Variants in LIN54 observed in about 807,000 individuals in gnomAD.
LIN54 encodes protein lin-54 homolog.
A neutral mutation model predicts 78.7 loss-of-function variants in LIN54; 9 were observed. That is an observed-to-expected ratio of 0.11 (90% CI 0.07 to 0.20). The LOEUF (loss-of-function observed/expected upper bound fraction) is 0.20, where lower values mean the gene tolerates loss of function less well. Among genes scored for constraint, LIN54 ranks in the 10% least tolerant of loss-of-function variants. The pLI, the probability that LIN54 is intolerant of heterozygous loss-of-function variation, is 1.00. For missense variants in LIN54, 573 were observed against 889.9 expected, an observed-to-expected ratio of 0.64 and a Z score of 4.53; for synonymous variants, 269 against 318.4, an observed-to-expected ratio of 0.84 and a Z score of 1.65.
chr4:82,995,713 T>A (rs1462385408), intron 1 of LIN54, among the ~76,000 whole-genome samples: 1 of 151,588 alleles, frequency 6.6e-6, no homozygotes, highest in Non-Finnish European at 1.5e-5. Flanking sequence ...GCCAGGCTGG[T>A]CTACATGTCC....
chr4:82,977,735 T>G (rs1363299880), intron 3 of LIN54, among the ~76,000 whole-genome samples: 1 of 152,220 alleles, frequency 6.6e-6, no homozygotes, highest in African/African-American at 2.4e-5. Flanking sequence ...GGATGGGTAA[T>G]TAGGATTTGA....
chr4:82,938,586 A>T (rs369203740), intron 7 of LIN54, 82 bp from the exon 8 acceptor site: 1 of 745,842 alleles, frequency 1.3e-6, no homozygotes. Flanking sequence ...TAAGAAATAC[A>T]AATTCATCCA....
intron 1 of LIN54, among the ~76,000 whole-genome samples, chr4:83,006,963 A>G (rs1314094470): frequency 1.3e-5 from 2 of 152,116 alleles, no homozygotes; most frequent in African/African-American, 2.4e-5. Context: ...AACATGGTCA[A>G]ACCCCGTCTC....
chr4:82,990,032 G>C (rs1263409681), intron 1 of LIN54, among the ~76,000 whole-genome samples: 1 of 152,168 alleles, frequency 6.6e-6, no homozygotes, highest in East Asian at 1.9e-4. Context: ...GTAGAACAGT[G>C]GAGGACTTTC....
Position 82,947,235 on chromosome 4 carries a change from A to ATATATATTT in LIN54, c.952-762_952-761insAAATATATA. 1.0e-3 allele frequency among the ~76,000 whole-genome samples: 46 copies of ATATATATTT among 44,274 alleles called. 1 individual carries two copies. Among genetic ancestry groups the ATATATATTT allele is most frequent in the Admixed American group, 3.7e-3 (9 of 2,414 alleles). The allele number at this position is 44,274 out of a possible 152,430, so 29.0% of individuals were successfully genotyped here. On this transcript the variant is annotated intron_variant, in intron 4 of 12. Transcript: ENST00000340417. ...TATATATATATATATATATATATATATTTTTTTTTTTTTTGAAGACAGGGT... is the reference window on the plus strand; with the variant it reads ...TATATATATATATATATATATATATATATATATTTTTTTTTTTTTTTTTGAAGACAGGGT...
chr4:82,941,151 T>G (rs1578502346), intron 5 of LIN54, among the ~76,000 whole-genome samples: 1 of 55,864 alleles, frequency 1.8e-5, no homozygotes. Context: ...GTTAAGAGGA[T>G]ATATATATAT....
At chr4:82,939,283 G>A (rs1412251855) in intron 7 of LIN54, among the ~76,000 whole-genome samples, 2 of 152,086 alleles carry the variant, frequency 1.3e-5, no homozygotes, top group Non-Finnish European at 2.9e-5. Flanking sequence ...CTATCATATC[G>A]CCACAGGCTT....
At chr4:82,977,287 C>A (rs1726241330) in intron 3 of LIN54, among the ~76,000 whole-genome samples, 1 of 152,136 alleles carries the variant, frequency 6.6e-6, no homozygotes, top group Admixed American at 6.6e-5. Flanking sequence ...TTTTCTTTTT[C>A]ATAAATACTT....
At position 82,946,373 on chromosome 4, in the gene LIN54, A is replaced by C; in HGVS notation, c.1053T>G (p.Ile351Met). The change falls in exon 5 of 13, where the codon ATT becomes ATG. Residue 351 changes from isoleucine to methionine, a missense_variant. By Grantham distance (10) the Ile-to-Met change is conservative. This residue lies in a region of LIN54 where 199 missense variants were observed against 260.9 expected (regional missense o/e 0.76). Coordinates refer to ENST00000340417, the MANE Select transcript of LIN54 (RefSeq NM_194282.4). Reference sequence around the variant, plus strand: ...AATGAAACTTGCTTCCAGGCACTTGAATCTGCTGGACATTGGGAGCAGTTG... The same window carrying C: ...AATGAAACTTGCTTCCAGGCACTTGCATCTGCTGGACATTGGGAGCAGTTG... ...PLATAPNVQQ[I>M]QVPGSKFHYV... The C allele has an allele frequency of 6.2e-7, 1 of 1,614,150 alleles. No homozygotes were observed. The highest frequency in any genetic ancestry group is 8.5e-7 in the Non-Finnish European group (1 of 1,179,988).
At chr4:82,998,170 C>T (rs1728402500) in intron 1 of LIN54, among the ~76,000 whole-genome samples, 1 of 151,330 alleles carries the variant, frequency 6.6e-6, no homozygotes, top group Admixed American at 6.6e-5. Flanking sequence ...TCTAGGTGAA[C>T]AGCTGTTTTC....
intron 1 of LIN54, among the ~76,000 whole-genome samples, chr4:82,992,654 A>G (rs1490950361): frequency 2.6e-5 from 4 of 152,148 alleles, no homozygotes; most frequent in African/African-American, 7.2e-5. Flanking sequence ...TCCCAGGCTC[A>G]AGCAATCCTC....
intron 1 of LIN54, among the ~76,000 whole-genome samples, chr4:82,991,154 GAA>G (rs56936823): frequency 0.018 from 1,539 of 86,348 alleles, 14 homozygotes; most frequent in African/African-American, 0.033. Flanking sequence ...TGTCTCTTAA[GAA>G]AAAAAAAAAA....
intron 3 of LIN54, among the ~76,000 whole-genome samples, chr4:82,972,542 G>A (rs1189319284): frequency 6.6e-6 from 1 of 152,066 alleles, no homozygotes; most frequent in Non-Finnish European, 1.5e-5. Context: ...GGTTTCCAAA[G>A]CTAATACCTG....
intron 3 of LIN54, 147 bp from the exon 4 acceptor site, chr4:82,970,616 A>T (rs1725566123): frequency 1.4e-6 from 1 of 690,706 alleles, no homozygotes; most frequent in South Asian, 2.1e-5. Flanking sequence ...GAACTATGGT[A>T]AACCTAGGCA....
chr4:82,996,936 T>C (rs1425032975), intron 1 of LIN54, among the ~76,000 whole-genome samples: 1 of 152,076 alleles, frequency 6.6e-6, no homozygotes, highest in Non-Finnish European at 1.5e-5. Context: ...CTGGCCCAGG[T>C]ACTCTATCCC....
intron 1 of LIN54, 88 bp from the exon 2 acceptor site, chr4:82,984,964 C>A (rs981209703): frequency 1.2e-6 from 1 of 841,256 alleles, no homozygotes; most frequent in Non-Finnish European, 1.8e-6. Flanking sequence ...GGCAAAATGA[C>A]AATTTTTAAA....
At chr4:82,934,434 CA>C (rs368170072) in intron 11 of LIN54, among the ~76,000 whole-genome samples, 2 of 152,090 alleles carry the variant, frequency 1.3e-5, no homozygotes, top group African/African-American at 2.4e-5. Context: ...ACAACAACAA[CA>C]AAAAACTTGT....
chr4:82,977,461 G>T (rs762381634), intron 3 of LIN54, among the ~76,000 whole-genome samples: 3 of 152,106 alleles, frequency 2.0e-5, no homozygotes, highest in Non-Finnish European at 4.4e-5. Flanking sequence ...CCAAGAGAAA[G>T]AGAATAGTCA....
intron 7 of LIN54, 109 bp downstream of exon 7, chr4:82,939,430 C>G: frequency 2.2e-6 from 2 of 903,510 alleles, no homozygotes; most frequent in Admixed American, 1.9e-5. Flanking sequence ...TTGGAAAGTG[C>G]CACTTCAATA....
Sources: allele counts gnomAD v4.1 joint callset (sites outside exome capture counted in the v4.1 genomes callset), GRCh38; gene constraint gnomAD v4.1.1; regional missense constraint gnomAD v4.1.1; transcripts MANE v1.5; gene names NCBI Gene and HGNC (gene_info 2026-07-23, HGNC 2026-07-21).